The following TMEM117 variants were observed in gnomAD, a reference collection of about 807,000 sequenced individuals.
TMEM117 encodes transmembrane protein 117.
TMEM117 carries 27 observed loss-of-function variants against 52.4 expected under a neutral mutation model. The observed-to-expected ratio is 0.51, with a 90% CI of 0.38 to 0.71. TMEM117 has a LOEUF of 0.71. Ranked by LOEUF, TMEM117 falls within the 30% of genes least tolerant of loss-of-function variation. The pLI is 0.00. For missense variants in TMEM117, 556 were observed against 630.5 expected (o/e 0.88, Z 1.26); for synonymous variants, 215 against 206.3 (o/e 1.04, Z -0.36).
intron 3 of TMEM117, among the ~76,000 whole-genome samples, chr12:44,068,119 T>G (rs1213209857): frequency 6.6e-6 from 1 of 152,184 alleles, no homozygotes; most frequent in African/African-American, 2.4e-5. Flanking sequence ...TTTTTCAGCC[T>G]TCACAGAATT....
At chr12:43,867,419 G>A (rs1592319537) in intron 2 of TMEM117, among the ~76,000 whole-genome samples, 1 of 152,298 alleles carries the variant, frequency 6.6e-6, no homozygotes, top group East Asian at 1.9e-4. Flanking sequence ...GAAAAGAGGA[G>A]CAGAGGAAGA....
At chr12:44,089,881 G>A (rs959895733) in intron 3 of TMEM117, among the ~76,000 whole-genome samples, 3 of 152,042 alleles carry the variant, frequency 2.0e-5, no homozygotes, top group African/African-American at 7.3e-5. Flanking sequence ...AAACAAATAG[G>A]TGTGGCTGTG....
intron 5 of TMEM117, among the ~76,000 whole-genome samples, chr12:44,267,227 CTTA>C (rs1274368582): frequency 6.6e-6 from 1 of 151,876 alleles, no homozygotes; most frequent in Non-Finnish European, 1.5e-5. Flanking sequence ...TGGGCCTTGA[CTTA>C]TTATGTTACA....
At chr12:44,397,334 G>A in the TMEM117 span, among the ~76,000 whole-genome samples, 2 of 152,176 alleles carry the variant, frequency 1.3e-5, no homozygotes, top group Non-Finnish European at 2.9e-5. Context: ...TCTGTATCTT[G>A]AGATGCCAGT....
At chr12:44,113,778 TGGGCAATGGC>T in intron 3 of TMEM117, among the ~76,000 whole-genome samples, 1 of 30,088 alleles carries the variant, frequency 3.3e-5, no homozygotes, top group Non-Finnish European at 5.7e-5. Context: ...TAAGCAAGCC[TGGGCAATGGC>T]GGGCGCCCCT....
At chr12:44,175,777 G>A (rs1949108821) in intron 4 of TMEM117, among the ~76,000 whole-genome samples, 1 of 152,136 alleles carries the variant, frequency 6.6e-6, no homozygotes, top group Admixed American at 6.6e-5. Flanking sequence ...CAAATCAAAG[G>A]CATGAGAACT....
chr12:43,892,400 C>G (rs942854835), intron 2 of TMEM117, among the ~76,000 whole-genome samples: 12 of 152,154 alleles, frequency 7.9e-5, no homozygotes, highest in African/African-American at 2.2e-4. Context: ...GGCATGTTAC[C>G]AAATTCCAGG....
chr12:43,809,102 A>G, the TMEM117 span, among the ~76,000 whole-genome samples: 1 of 152,254 alleles, frequency 6.6e-6, no homozygotes, highest in Non-Finnish European at 1.5e-5. Flanking sequence ...CACAGCGTCC[A>G]TAAAGTCTTT....
the TMEM117 span, among the ~76,000 whole-genome samples, chr12:43,803,906 T>C: frequency 5.3e-5 from 8 of 152,246 alleles, no homozygotes; most frequent in Admixed American, 5.2e-4. Context: ...TGAGTACCTA[T>C]AACAATAATT....
At chr12:44,105,070 CTT>C (rs1047117903) in intron 3 of TMEM117, among the ~76,000 whole-genome samples, 14 of 151,724 alleles carry the variant, frequency 9.2e-5, no homozygotes, top group Admixed American at 7.2e-4. Flanking sequence ...TCTTCTGTTC[CTT>C]TCTCTCTTTC....
chr12:44,040,712 T>G (rs1191208513), intron 3 of TMEM117, among the ~76,000 whole-genome samples: 2 of 152,238 alleles, frequency 1.3e-5, no homozygotes, highest in African/African-American at 4.8e-5. Context: ...CTTGTATTGC[T>G]TCTGATTTTA....
chr12:44,296,583 C>T (rs972238096), intron 5 of TMEM117, among the ~76,000 whole-genome samples: 1 of 152,202 alleles, frequency 6.6e-6, no homozygotes, highest in Non-Finnish European at 1.5e-5. Context: ...TCTCAGATCA[C>T]AGCTGAGAGG....
At chr12:44,154,805 T>A (rs567375530) in intron 4 of TMEM117, among the ~76,000 whole-genome samples, 3,608 of 151,638 alleles carry the variant, frequency 0.024, 69 homozygotes, top group African/African-American at 0.046. Flanking sequence ...TGATTTTTTT[T>A]AAAAAAAATA....
chr12:44,012,443 G>T (rs1244371483), intron 3 of TMEM117, among the ~76,000 whole-genome samples: 3 of 149,008 alleles, frequency 2.0e-5, no homozygotes, highest in Non-Finnish European at 4.5e-5. Flanking sequence ...CCATTACACA[G>T]TTATACCTTT....
chr12:43,848,506 GC>G (rs1943251000), intron 2 of TMEM117, among the ~76,000 whole-genome samples: 1 of 152,104 alleles, frequency 6.6e-6, no homozygotes, highest in East Asian at 1.9e-4. Context: ...CCGTTTATAG[GC>G]TCTCTGCAAG....
chr12:44,126,886 G>A (rs1048695831), intron 3 of TMEM117, among the ~76,000 whole-genome samples: 5 of 152,180 alleles, frequency 3.3e-5, no homozygotes, highest in Admixed American at 6.5e-5. Flanking sequence ...TTCTAGTGCA[G>A]GAACTTCAAA....
chr12:44,012,660 A>T (rs1358121483), intron 3 of TMEM117, among the ~76,000 whole-genome samples: 2 of 152,192 alleles, frequency 1.3e-5, no homozygotes, highest in Non-Finnish European at 2.9e-5. Flanking sequence ...CATTTAAAAA[A>T]AATCCTTTCT....
At chr12:43,802,700 A>G in the TMEM117 span, among the ~76,000 whole-genome samples, 11 of 152,328 alleles carry the variant, frequency 7.2e-5, no homozygotes, top group East Asian at 2.1e-3. Context: ...CCTAAGAAAG[A>G]AACATATAAA....
intron 3 of TMEM117, chr12:44,009,006 A>G: frequency 2.7e-6 from 1 of 364,746 alleles, no homozygotes; most frequent in Non-Finnish European, 5.4e-6. Context: ...ATTCTCTGGT[A>G]CTTAATAAGA....
Sources: allele counts gnomAD v4.1 joint callset (sites outside exome capture counted in the v4.1 genomes callset), GRCh38; gene constraint gnomAD v4.1.1; transcripts MANE v1.5; gene names NCBI Gene and HGNC (gene_info 2026-07-23, HGNC 2026-07-21).